The following DPY19L4 variants were observed in gnomAD, a reference collection of about 807,000 sequenced individuals.
DPY19L4 encodes probable C-mannosyltransferase DPY19L4.
A neutral mutation model predicts 102.8 loss-of-function variants in DPY19L4; 97 were observed. The ratio of observed to expected loss-of-function variants is 0.94; its 90% CI spans 0.80 to 1.12. DPY19L4 has a LOEUF of 1.12. Ranked by LOEUF, DPY19L4 falls within the 50% of genes most tolerant of loss-of-function variation. The probability of loss-of-function intolerance (pLI) is 0.00; values close to 1 mark genes in which losing one functional copy is unlikely to be tolerated. For missense variants in DPY19L4, 815 were observed against 850.4 expected, an observed-to-expected ratio of 0.96 and a Z score of 0.52; for synonymous variants, 252 against 283.1, an observed-to-expected ratio of 0.89 and a Z score of 1.10.
chr8:94,782,321 G>T (rs775529212), intron 16 of DPY19L4, among the ~76,000 whole-genome samples: 1 of 152,136 alleles, frequency 6.6e-6, no homozygotes, highest in South Asian at 2.1e-4. Flanking sequence ...ACTTGGGCTT[G>T]TTTACAAGGT....
intron 6 of DPY19L4, among the ~76,000 whole-genome samples, chr8:94,754,889 AGTGATT>A (rs1374964992): frequency 6.6e-6 from 1 of 152,144 alleles, no homozygotes; most frequent in African/African-American, 2.4e-5. Context: ...CCCAGGTTCA[AGTGATT>A]CTCCTGCCTC....
At chr8:94,758,879 T>C (rs957900237) in intron 7 of DPY19L4, among the ~76,000 whole-genome samples, 1 of 151,996 alleles carries the variant, frequency 6.6e-6, no homozygotes, top group Non-Finnish European at 1.5e-5. Flanking sequence ...GGACTGCAGA[T>C]GCACGTCACC....
intron 1 of DPY19L4, among the ~76,000 whole-genome samples, chr8:94,724,579 T>G (rs988178380): frequency 6.6e-6 from 1 of 151,776 alleles, no homozygotes; most frequent in Non-Finnish European, 1.5e-5. Context: ...TCATTTTTTG[T>G]TTTTTTTGTT....
intron 6 of DPY19L4, among the ~76,000 whole-genome samples, chr8:94,749,388 C>T (rs1226889397): frequency 6.6e-6 from 1 of 152,166 alleles, no homozygotes; most frequent in Non-Finnish European, 1.5e-5. Context: ...GGCTAGTTTA[C>T]TTTCTGCAGA....
intron 8 of DPY19L4, among the ~76,000 whole-genome samples, chr8:94,764,711 ATATATATTTTTTT>A (rs1250266686): frequency 4.7e-4 from 29 of 62,002 alleles, no homozygotes; most frequent in African/African-American, 2.2e-3. Context: ...ATATATATAT[ATATATATTTTTTT>A]TTTTTTTTTT....
chr8:94,776,523 A>T (rs1813189900), intron 13 of DPY19L4, among the ~76,000 whole-genome samples: 1 of 151,942 alleles, frequency 6.6e-6, no homozygotes, highest in Admixed American at 6.6e-5. Flanking sequence ...AAAAAGCAAA[A>T]ATTAGGTTAA....
chr8:94,726,260 G>A, intron 1 of DPY19L4, 71 bp from the exon 2 acceptor site: 5 of 1,254,684 alleles, frequency 4.0e-6, no homozygotes, highest in Non-Finnish European at 5.4e-6. Context: ...AATAATAAAG[G>A]TTAATTGGCT....
intron 7 of DPY19L4, among the ~76,000 whole-genome samples, chr8:94,759,849 T>C (rs1812327994): frequency 6.6e-6 from 1 of 152,244 alleles, no homozygotes; most frequent in Non-Finnish European, 1.5e-5. Context: ...CTTCCCATTC[T>C]TGAGGCTAAG....
intron 2 of DPY19L4, among the ~76,000 whole-genome samples, chr8:94,727,448 G>T (rs1022700189): frequency 2.0e-5 from 3 of 152,192 alleles, no homozygotes; most frequent in Non-Finnish European, 4.4e-5. Context: ...TGGCCAGTCT[G>T]GTCTTGAACT....
rs1256255186 is a variant in DPY19L4 at position 94,793,645 on chromosome 8, G to C, written c.*3735G>C. 6.6e-6 allele frequency: 1 copy of C among 152,074 alleles called. No individual in the cohort carries two copies. Among genetic ancestry groups the C allele is most frequent in the African/African-American group, 2.4e-5 (1 of 41,412 alleles). 9.4% of individuals were successfully genotyped at this position (152,074 alleles called of 1,614,324 possible). On this transcript the variant is annotated 3_prime_UTR_variant, in exon 19 of 19. Coordinates refer to ENST00000414645, the MANE Select transcript of DPY19L4 (RefSeq NM_181787.3). ...TGTATTAGAATTATAGCTACAAAAAGTTGCAAGTAAAATTTAGCAATTTCC... is the reference window on the plus strand; with the variant it reads ...TGTATTAGAATTATAGCTACAAAAACTTGCAAGTAAAATTTAGCAATTTCC...
At chr8:94,779,234 A>T (rs761396532) in intron 14 of DPY19L4, among the ~76,000 whole-genome samples, 1 of 136,942 alleles carries the variant, frequency 7.3e-6, no homozygotes, top group Non-Finnish European at 1.6e-5. Flanking sequence ...AAAAAAAACC[A>T]AGGCTTTAAT....
At chr8:94,756,539 A>G (rs369945332) in intron 7 of DPY19L4, among the ~76,000 whole-genome samples, 4 of 152,220 alleles carry the variant, frequency 2.6e-5, no homozygotes, top group African/African-American at 9.6e-5. Flanking sequence ...CACAAATGAC[A>G]GGAGTGTTAA....
At chr8:94,763,201 C>T (rs1812471839) in intron 8 of DPY19L4, among the ~76,000 whole-genome samples, 1 of 150,966 alleles carries the variant, frequency 6.6e-6, no homozygotes, top group Non-Finnish European at 1.5e-5. Flanking sequence ...CCCGCCTCAG[C>T]CTCCCAAAGC....
At chr8:94,743,764 G>C (rs1422835380) in intron 6 of DPY19L4, among the ~76,000 whole-genome samples, 2 of 152,186 alleles carry the variant, frequency 1.3e-5, no homozygotes, top group African/African-American at 4.8e-5. Context: ...CCAACACTTA[G>C]GGAGGCTGAG....
intron 6 of DPY19L4, among the ~76,000 whole-genome samples, chr8:94,746,957 G>T (rs1811700956): frequency 6.6e-6 from 1 of 152,066 alleles, no homozygotes; most frequent in Admixed American, 6.6e-5. Flanking sequence ...TGTACAACTG[G>T]GTGCTGTGAA....
rs773107102 is a variant in DPY19L4 at position 94,791,610 on chromosome 8, T to G, written c.*1700T>G. 8 of 152,132 alleles carry G rather than the reference T, an allele frequency of 5.3e-5. No homozygotes were observed. Among genetic ancestry groups the G allele is most frequent in the Non-Finnish European group, 1.2e-4 (8 of 68,004 alleles). The allele number at this position is 152,132 out of a possible 1,614,324, so 9.4% of individuals were successfully genotyped here. A position where few individuals can be genotyped will look rare whatever the true frequency, so the allele number is the denominator to read the frequency against. Reference sequence around the variant, plus strand: ...AATAGTCACATGGTAGTACTTGTGATTAGAGCATGTAAAACAATGTAATTG... The same window carrying G: ...AATAGTCACATGGTAGTACTTGTGAGTAGAGCATGTAAAACAATGTAATTG... On this transcript the variant is annotated 3_prime_UTR_variant, in exon 19 of 19. Transcript: ENST00000414645.
chr8:94,768,418 T>G lies in DPY19L4; in HGVS notation c.1199T>G (p.Leu400Arg). The G allele has an allele frequency of 6.2e-7, 1 of 1,601,182 alleles. No homozygotes were observed. The highest frequency in any genetic ancestry group is 8.5e-7 in the Non-Finnish European group (1 of 1,176,822). The change falls in exon 12 of 19, where the codon CTC becomes CGC. Residue 400 changes from leucine to arginine, a missense_variant. Leu to Arg is a moderately radical substitution (Grantham distance 102). Coordinates refer to ENST00000414645, the MANE Select transcript of DPY19L4 (RefSeq NM_181787.3). ...MTKNFTMNWL[L>R]CQESLQAPSQ... is the part of the protein sequence containing the mutation. ...AGGAATTTTACAATGAATTGGCTCC[T>G]CTGTCAAGAATCCCTGCAGGCACCA...
At position 94,739,273 on chromosome 8, in the gene DPY19L4, T is replaced by A. The variant is rs991518555; in HGVS notation, c.344-140T>A. The A allele has an allele frequency of 7.6e-6, 8 of 1,059,352 alleles. No individual in the cohort carries two copies. The Admixed American group carries it at 1.0e-4, about 14-fold the overall frequency. 65.6% of individuals were successfully genotyped at this position (1,059,352 alleles called of 1,614,324 possible). A position where few individuals can be genotyped will look rare whatever the true frequency, so the allele number is the denominator to read the frequency against. ...TATTTCTCTTTATTGTGCTAAATTT[T>A]TAAAAAATGGAAAATGCAGCATGGA... On this transcript the variant is annotated intron_variant, in intron 4 of 18. Coordinates refer to ENST00000414645, the MANE Select transcript of DPY19L4 (RefSeq NM_181787.3).
Position 94,719,944 on chromosome 8 carries a change from A to G in DPY19L4, c.-55A>G. 6.8e-7 allele frequency: 1 copy of G among 1,478,528 alleles called. No individual in the cohort carries two copies. Among genetic ancestry groups the G allele is most frequent in the Non-Finnish European group, 9.0e-7 (1 of 1,112,576 alleles). 91.6% of individuals were successfully genotyped at this position (1,478,528 alleles called of 1,614,324 possible). A position where few individuals can be genotyped will look rare whatever the true frequency, so the allele number is the denominator to read the frequency against. ...CCGAGGGGTTCGGCGACGCGGAGGG[A>G]GGGAGAGTCTGGGCCGCGCGGGAGC... On this transcript the variant is annotated 5_prime_UTR_variant, in exon 1 of 19. Coordinates refer to ENST00000414645, the MANE Select transcript of DPY19L4 (RefSeq NM_181787.3).
Sources: allele counts gnomAD v4.1 joint callset (sites outside exome capture counted in the v4.1 genomes callset), GRCh38; gene constraint gnomAD v4.1.1; transcripts MANE v1.5; gene names NCBI Gene and HGNC (gene_info 2026-07-23, HGNC 2026-07-21).